Variants in PON2 observed in about 807,000 individuals in gnomAD.
PON2 encodes serum paraoxonase/arylesterase 2.
A neutral mutation model predicts 36.6 loss-of-function variants in PON2; 27 were observed. The ratio of observed to expected loss-of-function variants is 0.74; its 90% CI spans 0.54 to 1.02. The LOEUF is 1.02. Among genes scored for constraint, PON2 ranks in the 50% least tolerant of loss-of-function variants. The probability of loss-of-function intolerance (pLI) is 0.00; values close to 1 mark genes in which losing one functional copy is unlikely to be tolerated. For missense variants in PON2, 363 were observed against 421.1 expected (o/e 0.86, Z 1.21); for synonymous variants, 149 against 156.3 (o/e 0.95, Z 0.35).
chr7:95,416,763 C>T (rs1789072812), intron 2 of PON2, among the ~76,000 whole-genome samples: 1 of 152,136 alleles, frequency 6.6e-6, no homozygotes, highest in African/African-American at 2.4e-5. Context: ...ATTATATATT[C>T]CTTCTTTTAA....
chr7:95,433,470 G>A (rs754430478), intron 1 of PON2, among the ~76,000 whole-genome samples: 3 of 152,100 alleles, frequency 2.0e-5, no homozygotes, highest in Admixed American at 6.5e-5. Context: ...CTAATGTACA[G>A]AGAACCATTG....
chr7:95,407,645 G>A (rs1015027283), intron 6 of PON2, among the ~76,000 whole-genome samples: 10 of 152,124 alleles, frequency 6.6e-5, no homozygotes, highest in Non-Finnish European at 1.2e-4. Context: ...GCTCTGTTGA[G>A]CAATTATGTG....
intron 1 of PON2, among the ~76,000 whole-genome samples, chr7:95,425,021 G>A (rs749763248): frequency 4.6e-5 from 7 of 152,092 alleles, no homozygotes; most frequent in Non-Finnish European, 1.0e-4. Flanking sequence ...AAGAAGCCAA[G>A]AGAAAATGGC....
chr7:95,427,420 T>C (rs1442915840), intron 1 of PON2, among the ~76,000 whole-genome samples: 20 of 152,142 alleles, frequency 1.3e-4, no homozygotes, highest in Admixed American at 1.2e-3. Flanking sequence ...TGTATTGAGG[T>C]GTAGTCATAT....
At chr7:95,418,805 C>G (rs1313356765) in intron 2 of PON2, among the ~76,000 whole-genome samples, 1 of 152,030 alleles carries the variant, frequency 6.6e-6, no homozygotes, top group Non-Finnish European at 1.5e-5. Context: ...GTGTGCTTGA[C>G]TCTCTCCCTC....
Position 95,407,080 on chromosome 7 carries a change from G to A in PON2, c.696-12C>T. 2 of 1,548,488 alleles carry A rather than the reference G, an allele frequency of 1.3e-6. No individual in the cohort carries two copies. The highest frequency in any genetic ancestry group is 1.8e-6 in the Non-Finnish European group (2 of 1,121,238). ...CAACATAGATATACCTTTGCAGAAA[G>A]GACACAGTGGTTAGAGCTCCATGCC... is the stretch of plus-strand genomic sequence containing the variant. On this transcript the variant is annotated splice_polypyrimidine_tract_variant and intron_variant, in intron 6 of 8. Transcript: ENST00000222572.
intron 3 of PON2, among the ~76,000 whole-genome samples, chr7:95,414,666 C>T (rs1789020372): frequency 6.6e-6 from 1 of 152,144 alleles, no homozygotes; most frequent in South Asian, 2.1e-4. Flanking sequence ...ATCAATGCAA[C>T]TGCCTTCTAC....
At chr7:95,432,261 C>T (rs1217416551) in intron 1 of PON2, among the ~76,000 whole-genome samples, 3 of 152,034 alleles carry the variant, frequency 2.0e-5, no homozygotes, top group Non-Finnish European at 2.9e-5. Flanking sequence ...AATAAAAATA[C>T]TAGCTGGGCA....
intron 1 of PON2, 142 bp downstream of exon 1, chr7:95,434,736 G>T: frequency 2.4e-6 from 2 of 840,010 alleles, no homozygotes; most frequent in Middle Eastern, 3.5e-4. Context: ...CTGGGGGAGG[G>T]ACAGCATTCA....
chr7:95,427,954 G>A (rs776519166), intron 1 of PON2, among the ~76,000 whole-genome samples: 106 of 152,246 alleles, frequency 7.0e-4, no homozygotes, highest in Non-Finnish European at 1.1e-3. Context: ...ATGAGAGGAG[G>A]AACACTCTTT....
At chr7:95,405,793 TATCAC>T (rs1809668841) in intron 8 of PON2, among the ~76,000 whole-genome samples, 1 of 152,042 alleles carries the variant, frequency 6.6e-6, no homozygotes, top group Non-Finnish European at 1.5e-5. Flanking sequence ...CATGAACAAA[TATCAC>T]ATCATGTGGT....
chr7:95,409,221 A>G (rs1585746290), intron 6 of PON2, among the ~76,000 whole-genome samples: 1 of 152,234 alleles, frequency 6.6e-6, no homozygotes, highest in African/African-American at 2.4e-5. Context: ...CTGAGGCAGG[A>G]GAATCACTTG....
Position 95,410,108 on chromosome 7 carries a change from A to T in PON2, c.495-7T>A. ...AGCTGTGATGTCATTCACACTGAAA[A>T]AGAAAAATAGCATGTGAGAGGAAAC... On this transcript the variant is annotated splice_polypyrimidine_tract_variant and splice_region_variant and intron_variant, in intron 5 of 8. Transcript: ENST00000222572. The T allele has an allele frequency of 6.2e-7, 1 of 1,611,086 alleles. No individual in the cohort carries two copies. Among genetic ancestry groups the T allele is most frequent in the Non-Finnish European group, 8.5e-7 (1 of 1,177,624 alleles).
At chr7:95,424,169 C>A (rs1285799345) in intron 2 of PON2, 1 of 330,124 alleles carries the variant, frequency 3.0e-6, no homozygotes, top group East Asian at 7.2e-5. Flanking sequence ...CATAAAGCTT[C>A]CTTCACTAGC....
At chr7:95,417,690 GACACACACACACACACAC>G (rs555142509) in intron 2 of PON2, among the ~76,000 whole-genome samples, 6 of 93,810 alleles carry the variant, frequency 6.4e-5, no homozygotes, top group African/African-American at 2.2e-4. Flanking sequence ...TGTACACACA[GACACACACACACACACAC>G]ACACACACAC....
chr7:95,411,558 C>A, intron 5 of PON2, 95 bp downstream of exon 5: 1 of 1,406,184 alleles, frequency 7.1e-7, no homozygotes, highest in Non-Finnish European at 1.0e-6. Flanking sequence ...CTAATATATA[C>A]ATTAGCGCTT....
Position 95,405,083 on chromosome 7 carries a change from A to G in PON2, c.*247T>C. On this transcript the variant is annotated 3_prime_UTR_variant, in exon 9 of 9. Coordinates refer to ENST00000222572, the MANE Select transcript of PON2 (RefSeq NM_000305.3). The stretch of plus-strand genomic sequence containing the variant: ...CAAAGGTGAGGCTTACTTTGTGCAA[A>G]ATGTATTCACTTTATTCGAAAGCAG... 2.2e-6 allele frequency: 1 copy of G among 444,484 alleles called. No homozygotes were observed. The highest frequency in any genetic ancestry group is 2.5e-5 in the South Asian group (1 of 40,508). The allele number at this position is 444,484 out of a possible 1,614,324, so 27.5% of individuals were successfully genotyped here. A position where few individuals can be genotyped will look rare whatever the true frequency, so the allele number is the denominator to read the frequency against.
In PON2 at chr7:95,406,125, C is replaced by T. The variant is rs191021241; in HGVS notation, c.900G>A (p.Ser300=). Reference sequence around the variant, plus strand: ...AAACTGAAAATATAAAAACCTCTGACGAGGGAGGATTGTTCGGGTCATACA... The same window carrying T: ...AAACTGAAAATATAAAAACCTCTGATGAGGGAGGATTGTTCGGGTCATACA... ...LFVYDPNNPP[S]SEVLRIQNIL... The change falls in exon 8 of 9, where the codon TCG becomes TCA. Residue 300 remains serine, a synonymous_variant. Coordinates refer to ENST00000222572, the MANE Select transcript of PON2 (RefSeq NM_000305.3). 2.5e-5 allele frequency: 40 copies of T among 1,613,384 alleles called. No individual in the cohort carries two copies. The highest frequency in any genetic ancestry group is 6.7e-5 in the East Asian group (3 of 44,870).
intron 3 of PON2, 164 bp from the exon 4 acceptor site, chr7:95,412,641 G>A (rs1241935411): frequency 1.4e-6 from 1 of 691,666 alleles, no homozygotes; most frequent in Non-Finnish European, 2.5e-6. Flanking sequence ...AATAATAACG[G>A]GGAGGTGGAA....
Sources: gnomAD v4.1 joint callset for allele counts (sites outside exome capture counted in the v4.1 genomes callset) on GRCh38, gnomAD v4.1.1 for gene constraint, MANE v1.5 for transcripts, NCBI Gene and HGNC (gene_info 2026-07-23, HGNC 2026-07-21) for gene names.